ELOB: variants seen among roughly 807,000 people sequenced by gnomAD.
The protein encoded by ELOB is elongin-B.
A neutral mutation model predicts 12.9 loss-of-function variants in ELOB; 3 were observed. The ratio of observed to expected loss-of-function variants is 0.23; its 90% confidence interval spans 0.11 to 0.60. The LOEUF (loss-of-function observed/expected upper bound fraction) is 0.60. Among genes scored for constraint, ELOB ranks in the 20% least tolerant of loss-of-function variants. The pLI is 0.89. For synonymous variants in ELOB, 84 were observed against 67.4 expected, an observed-to-expected ratio of 1.25 and a Z score of -1.21; for missense variants, 126 against 159.2, an observed-to-expected ratio of 0.79 and a Z score of 1.12.
chr16:2,773,424 C>G (rs1010314089), intron 3 of ELOB, among the ~76,000 whole-genome samples: 3 of 152,212 alleles, frequency 2.0e-5, no homozygotes, highest in African/African-American at 7.2e-5. Flanking sequence ...CGTGCCTTCA[C>G]TACCTCCCTC....
Position 2,775,456 on chromosome 16 carries a change from C to T in ELOB, c.239G>A (p.Arg80Gln), listed in dbSNP as rs753146217. 39 of 1,599,374 alleles carry T rather than the reference C, an allele frequency of 2.4e-5. No individual in the cohort carries two copies. Among genetic ancestry groups the T allele is most frequent in the Non-Finnish European group, 3.0e-5 (35 of 1,178,442 alleles). Reference sequence around the variant, plus strand: ...GTGGGTGGTGGGCCTCTCACCTGCCCGGAAGGCCAGCCCCACTGTGGCTGG... The same window carrying T: ...GTGGGTGGTGGGCCTCTCACCTGCCTGGAAGGCCAGCCCCACTGTGGCTGG... ...QAPATVGLAFRADDTFEALCI... is the reference protein window; with the variant it reads ...QAPATVGLAFQADDTFEALCI... The change falls in exon 3 of 4, where the codon CGG becomes CAG. Residue 80 changes from arginine (R) to glutamine (Q), a missense_variant. Physicochemically the swap from Arg to Gln is conservative, Grantham distance 43 (BLOSUM62 1). Coordinates refer to ENST00000409906, the MANE Select transcript of ELOB (RefSeq NM_007108.4).
Position 2,771,985 on chromosome 16 carries a change from G to A in ELOB, c.*5C>T, listed in dbSNP as rs544806141. On this transcript the variant is annotated 3_prime_UTR_variant, in exon 4 of 4. Transcript: ENST00000409906. ...TATTGGGGGAAATGGGCCTCTTGGG[G>A]GTCCTCACTGCACGGCTTGTTCATT... 1.7e-5 allele frequency: 27 copies of A among 1,546,666 alleles called. No homozygotes were observed. The highest frequency in any genetic ancestry group is 2.0e-4 in the Middle Eastern group (1 of 5,066).
chr16:2,771,454 A>C lies in ELOB; in HGVS notation c.*536T>G, dbSNP rs369392329. 1.2e-6 allele frequency: 2 copies of C among 1,614,214 alleles called. No homozygotes were observed. Among genetic ancestry groups the C allele is most frequent in the Non-Finnish European group, 1.7e-6 (2 of 1,180,026 alleles). ...TTTATTAAAGGTGTGTTAAGGGGGC[A>C]GCCACTTCCCTCCGTGATTACAGCC... On this transcript the variant is annotated 3_prime_UTR_variant, in exon 4 of 4. Coordinates refer to ENST00000409906, the MANE Select transcript of ELOB (RefSeq NM_007108.4).
At chr16:2,776,877 G>A in intron 2 of ELOB, 116 bp downstream of exon 2, 1 of 1,379,328 alleles carries the variant, frequency 7.2e-7, no homozygotes, top group Non-Finnish European at 9.6e-7. Flanking sequence ...CAGTCCCGCG[G>A]CTCGGGCGCC....
rs903279872 is a variant in ELOB at position 2,772,112 on chromosome 16, A to G, written c.245-10T>C. On this transcript the variant is annotated splice_polypyrimidine_tract_variant and intron_variant, in intron 3 of 3. Coordinates refer to ENST00000409906, the MANE Select transcript of ELOB (RefSeq NM_007108.4). ...GCCTCAAAGGTGTCATCTGTGGAGGAAGCAGCAGAGCTGCAGGGGGGTATT... is the reference window on the plus strand; with the variant it reads ...GCCTCAAAGGTGTCATCTGTGGAGGGAGCAGCAGAGCTGCAGGGGGGTATT... The G allele has an allele frequency of 6.3e-7, 1 of 1,595,734 alleles. No homozygotes were observed. Among genetic ancestry groups the G allele is most frequent in the East Asian group, 2.3e-5 (1 of 44,442 alleles).
chr16:2,776,867 C>G, intron 2 of ELOB, 126 bp downstream of exon 2: 1 of 1,323,204 alleles, frequency 7.6e-7, no homozygotes, highest in Non-Finnish European at 1.0e-6. Flanking sequence ...ACGGATGTCC[C>G]AGTCCCGCGG....
chr16:2,776,033 G>C (rs996266207), intron 2 of ELOB, among the ~76,000 whole-genome samples: 2 of 152,282 alleles, frequency 1.3e-5, no homozygotes, highest in South Asian at 4.1e-4. Flanking sequence ...TGGGACTACA[G>C]GACCATGCCA....
rs1285698188 is a variant in ELOB at position 2,777,067 on chromosome 16, T to C, written c.64A>G (p.Ser22Gly). 1.2e-6 allele frequency: 2 copies of C among 1,603,988 alleles called. No individual in the cohort carries two copies. Among genetic ancestry groups the C allele is most frequent in the South Asian group, 1.1e-5 (1 of 90,464 alleles). The change falls in exon 2 of 4, where the codon AGC becomes GGC. Residue 22 changes from serine (S) to glycine (G), a missense_variant. By Grantham distance (56) the Ser-to-Gly change is moderately conservative (BLOSUM62 0). Coordinates refer to ENST00000409906, the MANE Select transcript of ELOB (RefSeq NM_007108.4). ...TTIFTDAKES[S>G]TVFELKRIVE... ...ATGCGCTTCAGTTCGAACACCGTGC[T>C]GGACTCCTTGGCGTCCGTGAAGATG...
Position 2,772,052 on chromosome 16 carries a change from G to A in ELOB, c.295C>T (p.Leu99=). Residue 99 remains leucine, a synonymous_variant, in exon 4 of 4, where the codon CTG becomes TTG. Transcript: ENST00000409906. ...TCCTGGGGCTTCATCACATCGGGCAGCTCTGGCGGGCTGGAAAACGGCTCG... is the reference window on the plus strand; with the variant it reads ...TCCTGGGGCTTCATCACATCGGGCAACTCTGGCGGGCTGGAAAACGGCTCG... ...CIEPFSSPPE[L]PDVMKPQDSG... 1.2e-6 allele frequency: 2 copies of A among 1,613,050 alleles called. No homozygotes were observed. Among genetic ancestry groups the A allele is most frequent in the Non-Finnish European group, 1.7e-6 (2 of 1,179,410 alleles).
At chr16:2,773,146 T>G (rs756742657) in intron 3 of ELOB, among the ~76,000 whole-genome samples, 2 of 152,098 alleles carry the variant, frequency 1.3e-5, no homozygotes, top group African/African-American at 4.8e-5. Flanking sequence ...TCCTGTGCTT[T>G]CTTCCAGCTA....
At chr16:2,774,308 A>G (rs2068786591) in intron 3 of ELOB, among the ~76,000 whole-genome samples, 1 of 152,188 alleles carries the variant, frequency 6.6e-6, no homozygotes, top group Non-Finnish European at 1.5e-5. Flanking sequence ...GACTCTTAAC[A>G]TCACCATCTG....
rs1264305062 is a variant in ELOB at position 2,771,890 on chromosome 16, G to A, written c.*100C>T. The A allele has an allele frequency of 4.7e-6, 7 of 1,488,178 alleles. No homozygotes were observed. The highest frequency in any genetic ancestry group is 2.7e-6 in the Non-Finnish European group (3 of 1,116,644). The allele number at this position is 1,488,178 out of a possible 1,614,324, so 92.2% of individuals were successfully genotyped here. ...GCACAAGCCCCAAAAGGAGCCCACA[G>A]GGAGTGGGACCCATCCCAGGGAGGG... On this transcript the variant is annotated 3_prime_UTR_variant, in exon 4 of 4. Coordinates refer to ENST00000409906, the MANE Select transcript of ELOB (RefSeq NM_007108.4).
intron 3 of ELOB, among the ~76,000 whole-genome samples, chr16:2,773,167 C>T (rs2068777804): frequency 6.6e-6 from 1 of 152,094 alleles, no homozygotes; most frequent in African/African-American, 2.4e-5. Flanking sequence ...GGAGACCCAT[C>T]TCTGCTTGGC....
At position 2,771,545 on chromosome 16, in the gene ELOB, G is replaced by C. The variant is rs930158417; in HGVS notation, c.*445C>G. ...CCTCGTTGAACATGCTGTCAAACCA[G>C]GACACTGGCTCCAGCTTGTGTTTCT... is the stretch of plus-strand genomic sequence containing the variant. On this transcript the variant is annotated 3_prime_UTR_variant, in exon 4 of 4. Transcript: ENST00000409906. 3.1e-6 allele frequency: 5 copies of C among 1,614,172 alleles called. No individual in the cohort carries two copies. The highest frequency in any genetic ancestry group is 3.4e-6 in the Non-Finnish European group (4 of 1,180,032).
intron 3 of ELOB, among the ~76,000 whole-genome samples, chr16:2,773,525 C>T (rs940499887): frequency 2.6e-5 from 4 of 152,012 alleles, no homozygotes; most frequent in Admixed American, 2.6e-4. Context: ...AGGGGAGAGG[C>T]GGAGGGTGGG....
Position 2,771,816 on chromosome 16 carries a change from C to T in ELOB, c.*174G>A. 1 of 1,451,244 alleles carries T rather than the reference C, an allele frequency of 6.9e-7. No homozygotes were observed. Among genetic ancestry groups the T allele is most frequent in the African/African-American group, 1.4e-5 (1 of 70,152 alleles). 89.9% of individuals were successfully genotyped at this position (1,451,244 alleles called of 1,614,324 possible). On this transcript the variant is annotated 3_prime_UTR_variant, in exon 4 of 4. Coordinates refer to ENST00000409906, the MANE Select transcript of ELOB (RefSeq NM_007108.4). The stretch of plus-strand genomic sequence containing the variant: ...TAAGCAGCAGGCTGGGCCAAGTTCT[C>T]AGCCAGGGTCTCAGGATCTGGGAGA...
intron 3 of ELOB, among the ~76,000 whole-genome samples, chr16:2,774,814 T>C (rs1274752242): frequency 1.6e-5 from 1 of 62,108 alleles, no homozygotes; most frequent in Non-Finnish European, 4.9e-5. Flanking sequence ...TTTCTAAAGC[T>C]TGGGCAGGGG....
chr16:2,777,159 C>T (rs2068806448), intron 1 of ELOB, 32 bp from the exon 2 acceptor site: 4 of 1,284,354 alleles, frequency 3.1e-6, no homozygotes, highest in Non-Finnish European at 4.0e-6. Flanking sequence ...GAGCACGAAG[C>T]CCGGGCCCCC....
chr16:2,775,624 A>G, intron 2 of ELOB, 68 bp from the exon 3 acceptor site: 1 of 1,306,948 alleles, frequency 7.7e-7, no homozygotes, highest in Non-Finnish European at 1.1e-6. Flanking sequence ...TCTGACCAGC[A>G]ACTACACGGG....
Sources: allele counts gnomAD v4.1 joint callset (sites outside exome capture counted in the v4.1 genomes callset), GRCh38; gene constraint gnomAD v4.1.1; transcripts MANE v1.5; gene names NCBI Gene and HGNC (gene_info 2026-07-23, HGNC 2026-07-21).